PRSS2: variants seen among roughly 807,000 people sequenced by gnomAD.
PRSS2 encodes the protein serine protease 2.
In PRSS2, 19 loss-of-function variants were observed where a neutral mutation model predicts 19.2. The ratio of observed to expected loss-of-function variants is 0.99; its 90% CI spans 0.69 to 1.45. The LOEUF is 1.45. Among genes scored for constraint, PRSS2 ranks in the 40% most tolerant of loss-of-function variants. The probability of loss-of-function intolerance (pLI) is 0.00; values close to 1 mark genes in which losing one functional copy is unlikely to be tolerated. For synonymous variants in PRSS2, 107 were observed against 117.5 expected, an observed-to-expected ratio of 0.91 and a Z score of 0.58; for missense variants, 288 against 294.4, an observed-to-expected ratio of 0.98 and a Z score of 0.16.
At chr7:142,774,104 C>G in intron 4 of PRSS2, 49 bp downstream of exon 4, 2 of 1,546,948 alleles carry the variant, frequency 1.3e-6, no homozygotes, top group Non-Finnish European at 1.8e-6. Flanking sequence ...AACCAGGCCC[C>G]ACCAGGGAAA....
chr7:142,773,536 G>A lies in PRSS2; in HGVS notation c.454+17G>A. 4.5e-6 allele frequency: 7 copies of A among 1,560,472 alleles called. No individual in the cohort carries two copies. In the South Asian group the frequency reaches 7.8e-5, roughly 17 times the overall value. The stretch of plus-strand genomic sequence containing the variant: ...GTTCTGGTGGTGAGTGGGACCCTTT[G>A]TCCTTCTACTTCCCTCCATCCCACA... On this transcript the variant is annotated intron_variant, in intron 3 of 4. Coordinates refer to ENST00000539842, the MANE Select transcript of PRSS2 (RefSeq NM_002770.4).
chr7:142,773,278 G>A lies in PRSS2; in HGVS notation c.213G>A (p.Val71=). The change falls in exon 3 of 5, where the codon GTG becomes GTA. Residue 71 remains valine (V), a synonymous_variant. Coordinates refer to ENST00000539842, the MANE Select transcript of PRSS2 (RefSeq NM_002770.4). ...AGHCYKSRIQ[V]RLGEHNIEVL... ...CCCTGCCCATCAGCCGCATCCAGGT[G>A]AGACTGGGAGAGCACAACATCGAAG... 1.2e-6 allele frequency: 2 copies of A among 1,614,214 alleles called. No individual in the cohort carries two copies.
intron 1 of PRSS2, among the ~76,000 whole-genome samples, chr7:142,771,418 C>T (rs1287176523): frequency 6.6e-6 from 1 of 152,358 alleles, no homozygotes; most frequent in East Asian, 1.9e-4. Context: ...TAGAAATTCT[C>T]ACTTCAATTG....
rs1800268028 is a variant in PRSS2, at chr7:142,774,345, CT to C, written c.592-9del. 9.0e-6 allele frequency: 11 copies of C among 1,222,676 alleles called. No homozygotes were observed. Among genetic ancestry groups the C allele is most frequent in the African/African-American group, 5.9e-5 (4 of 67,930 alleles). The allele number at this position is 1,222,676 out of a possible 1,614,324, so 75.7% of individuals were successfully genotyped here. A position where few individuals can be genotyped will look rare whatever the true frequency, so the allele number is the denominator to read the frequency against. ...TCTCTCTTCATACAACTTGTCCCTT[CT>C]TCCCCCCAGGGTGATTCTGGTGGCC... On this transcript the variant is annotated splice_polypyrimidine_tract_variant and intron_variant, in intron 4 of 4. Coordinates refer to ENST00000539842, the MANE Select transcript of PRSS2 (RefSeq NM_002770.4).
Position 142,771,398 on chromosome 7 carries a change from C to A in PRSS2, c.40+376C>A, listed in dbSNP as rs1811092. On this transcript the variant is annotated intron_variant, in intron 1 of 4. Coordinates refer to ENST00000539842, the MANE Select transcript of PRSS2 (RefSeq NM_002770.4). ...GGAGGTTGAAATTACTCATGCAAGA[C>A]ACTCAACTCTAGAAATTCTCACTTC... Among the ~76,000 whole-genome samples, 4 of 150,980 alleles carry A rather than the reference C, an allele frequency of 2.6e-5. No individual in the cohort carries two copies. The East Asian group carries it at 7.8e-4, about 29-fold the overall frequency.
At chr7:142,772,344 G>T in intron 2 of PRSS2, 136 bp downstream of exon 2, 6 of 1,227,406 alleles carry the variant, frequency 4.9e-6, no homozygotes, top group Middle Eastern at 2.0e-4. Context: ...GGCAGCAGCT[G>T]ACTCTCCAGA....
At chr7:142,773,848 A>T (rs1423280625) in intron 3 of PRSS2, 71 bp from the exon 4 acceptor site, 1 of 1,547,170 alleles carries the variant, frequency 6.5e-7, no homozygotes, top group Non-Finnish European at 8.9e-7. Flanking sequence ...TCAATGTTCC[A>T]TCCTAGACTA....
Position 142,772,153 on chromosome 7 carries a change from G to A in PRSS2, c.145G>A (p.Gly49Ser), listed in dbSNP as rs747219727. 14 of 1,613,712 alleles carry A rather than the reference G, an allele frequency of 8.7e-6. No individual in the cohort carries two copies. Among genetic ancestry groups the A allele is most frequent in the African/African-American group, 6.7e-5 (5 of 74,934 alleles). ...VSLNSGYHFC[G>S]GSLISEQWVV... ...CTTGAATTCTGGCTACCACTTCTGC[G>A]GTGGCTCCCTCATCAGCGAACAGTG... is the stretch of plus-strand genomic sequence containing the variant. The change falls in exon 2 of 5, where the codon GGT becomes AGT. Residue 49 changes from glycine to serine, a missense_variant. Coordinates refer to ENST00000539842, the MANE Select transcript of PRSS2 (RefSeq NM_002770.4).
chr7:142,774,381 C>T lies in PRSS2; in HGVS notation c.617C>T (p.Ser206Phe). Reference protein sequence around the residue: ...CQGDSGGPVVSNGELQGIVSW... With the variant: ...CQGDSGGPVVFNGELQGIVSW... Reference sequence around the variant, plus strand: ...GGTGATTCTGGTGGCCCTGTGGTCTCCAATGGAGAGCTCCAAGGAATTGTC... The same window carrying T: ...GGTGATTCTGGTGGCCCTGTGGTCTTCAATGGAGAGCTCCAAGGAATTGTC... Residue 206 changes from serine to phenylalanine, a missense_variant, in exon 5 of 5, where the codon TCC becomes TTC. Coordinates refer to ENST00000539842, the MANE Select transcript of PRSS2 (RefSeq NM_002770.4). The T allele has an allele frequency of 3.8e-6, 5 of 1,331,488 alleles. No individual in the cohort carries two copies. The highest frequency in any genetic ancestry group is 1.9e-4 in the Middle Eastern group (1 of 5,366). The allele number at this position is 1,331,488 out of a possible 1,614,324, so 82.5% of individuals were successfully genotyped here.
intron 1 of PRSS2, among the ~76,000 whole-genome samples, 172 bp downstream of exon 1, chr7:142,771,194 C>T (rs982108964): frequency 3.6e-4 from 55 of 152,130 alleles, no homozygotes; most frequent in African/African-American, 1.1e-3. Context: ...CTTGTTCCAC[C>T]TTCTCCTTGA....
chr7:142,772,531 TAAA>T (rs1563286238), intron 2 of PRSS2: 1 of 686,710 alleles, frequency 1.5e-6, no homozygotes. Flanking sequence ...AATGAGTACT[TAAA>T]AATACTGATC....
At chr7:142,771,105 T>C (rs1383220529) in intron 1 of PRSS2, 83 bp downstream of exon 1, 16 of 553,456 alleles carry the variant, frequency 2.9e-5, no homozygotes, top group Non-Finnish European at 5.2e-5. Context: ...CCTCTCCTCT[T>C]TTGACTGTGC....
intron 2 of PRSS2, 62 bp downstream of exon 2, chr7:142,772,270 A>C: frequency 6.4e-7 from 1 of 1,574,688 alleles, no homozygotes; most frequent in Non-Finnish European, 8.7e-7. Context: ...GCTTGGATTC[A>C]GCCCAGGGAA....
chr7:142,771,251 A>C (rs1260152859), intron 1 of PRSS2, among the ~76,000 whole-genome samples: 3 of 152,172 alleles, frequency 2.0e-5, no homozygotes, highest in African/African-American at 7.2e-5. Flanking sequence ...CTGTGGTTGG[A>C]GAAGCTGGGA....
chr7:142,772,477 GGCTAGTACTTTT>G lies in PRSS2; in HGVS notation c.200+273_200+284del, dbSNP rs1800015521. On this transcript the variant is annotated intron_variant, in intron 2 of 4. Coordinates refer to ENST00000539842, the MANE Select transcript of PRSS2 (RefSeq NM_002770.4). Reference sequence around the variant, plus strand: ...GTGGTGAGAGCTAGTGAGAAGAGCAGGCTAGTACTTTTGCTGGTTAGCTACACATTAAAGCCA... The same window carrying G: ...GTGGTGAGAGCTAGTGAGAAGAGCAGGCTGGTTAGCTACACATTAAAGCCA... 14 of 707,796 alleles carry G rather than the reference GGCTAGTACTTTT, an allele frequency of 2.0e-5. No homozygotes were observed. In the East Asian group the frequency reaches 3.8e-4, roughly 19 times the overall value. The allele number at this position is 707,796 out of a possible 1,614,324, so 43.8% of individuals were successfully genotyped here. A position where few individuals can be genotyped will look rare whatever the true frequency, so the allele number is the denominator to read the frequency against.
chr7:142,773,202 G>C, intron 2 of PRSS2, 64 bp from the exon 3 acceptor site: 2 of 1,614,004 alleles, frequency 1.2e-6, no homozygotes, highest in South Asian at 1.1e-5. Context: ...AGGACCCATG[G>C]AAAGGTGGGA....
intron 2 of PRSS2, among the ~76,000 whole-genome samples, chr7:142,772,837 T>C (rs1045175920): frequency 6.6e-6 from 1 of 152,156 alleles, no homozygotes. Flanking sequence ...TGGCTACCCT[T>C]GGATTAGATT....
intron 1 of PRSS2, among the ~76,000 whole-genome samples, 171 bp from the exon 2 acceptor site, chr7:142,771,878 G>C: frequency 6.6e-6 from 1 of 152,232 alleles, no homozygotes; most frequent in Admixed American, 6.5e-5. Flanking sequence ...CAGACACAGA[G>C]ACTTGGGAGC....
At chr7:142,771,268 A>T (rs1275481986) in intron 1 of PRSS2, among the ~76,000 whole-genome samples, 1 of 152,196 alleles carries the variant, frequency 6.6e-6, no homozygotes, top group Non-Finnish European at 1.5e-5. Context: ...GGGAAGGGAG[A>T]CCAGGTGGGG....
Sources: allele counts gnomAD v4.1 joint callset (sites outside exome capture counted in the v4.1 genomes callset), GRCh38; gene constraint gnomAD v4.1.1; transcripts MANE v1.5; gene names NCBI Gene and HGNC (gene_info 2026-07-23, HGNC 2026-07-21).